Variants in SGTB observed in about 807,000 individuals in gnomAD.
SGTB encodes the protein small glutamine rich tetratricopeptide repeat co-chaperone beta, also known as small glutamine-rich tetratricopeptide repeat-containing protein beta.
A neutral mutation model predicts 43.9 loss-of-function variants in SGTB; 19 were observed. The ratio of observed to expected loss-of-function variants is 0.43; its 90% CI spans 0.30 to 0.63. The LOEUF (loss-of-function observed/expected upper bound fraction) is 0.63, where lower values mean the gene tolerates loss of function less well. Ranked by LOEUF, SGTB falls within the 30% of genes least tolerant of loss-of-function variation. The pLI is 0.12. For missense variants in SGTB, 304 were observed against 358.9 expected (o/e 0.85, Z 1.24); for synonymous variants, 116 against 117.3 (o/e 0.99, Z 0.07).
intron 5 of SGTB, among the ~76,000 whole-genome samples, chr5:65,697,119 T>C (rs554901383): frequency 3.9e-5 from 6 of 152,306 alleles, no homozygotes; most frequent in Non-Finnish European, 8.8e-5. Context: ...GCTACTGAGA[T>C]ATTTATAGCT....
In SGTB at chr5:65,672,227, T is replaced by G; in HGVS notation, c.719+17A>C. ...GAAGGGTTGGGGAAGTGTAATAAGC[T>G]CTTTCTATATACTTACAGCTGTTGA... On this transcript the variant is annotated intron_variant, in intron 9 of 10. Coordinates refer to ENST00000381007, the MANE Select transcript of SGTB (RefSeq NM_019072.3). 6.2e-7 allele frequency: 1 copy of G among 1,613,920 alleles called. No homozygotes were observed. Among genetic ancestry groups the G allele is most frequent in the South Asian group, 1.1e-5 (1 of 91,066 alleles).
At chr5:65,705,267 A>G (rs2150719107) in intron 4 of SGTB, among the ~76,000 whole-genome samples, 1 of 151,488 alleles carries the variant, frequency 6.6e-6, no homozygotes, top group East Asian at 1.9e-4. Flanking sequence ...ATATAGTGGG[A>G]CCCCCCCTCA....
At chr5:65,718,233 T>G (rs1286544893) in intron 2 of SGTB, among the ~76,000 whole-genome samples, 1 of 152,170 alleles carries the variant, frequency 6.6e-6, no homozygotes, top group Non-Finnish European at 1.5e-5. Flanking sequence ...GGCTGTCCTG[T>G]GCATTAGCAG....
chr5:65,710,561 C>A (rs58758328), intron 3 of SGTB, among the ~76,000 whole-genome samples: 1 of 152,080 alleles, frequency 6.6e-6, no homozygotes, highest in Non-Finnish European at 1.5e-5. Flanking sequence ...ATATAACAAC[C>A]AAGTACACTT....
At chr5:65,673,899 G>A (rs747441128) in intron 8 of SGTB, among the ~76,000 whole-genome samples, 5 of 152,036 alleles carry the variant, frequency 3.3e-5, no homozygotes, top group African/African-American at 7.2e-5. Flanking sequence ...CAAGTGCTCC[G>A]CCCATCTTAG....
At chr5:65,722,261 G>A (rs565094855), upstream of SGTB, 2,822 of 724,596 alleles carry the variant, frequency 3.9e-3, 24 homozygotes, top group South Asian at 0.014. Flanking sequence ...AGCCACTGTG[G>A]CCTCTGCGGC....
chr5:65,671,674 A>G (rs1757157353), intron 10 of SGTB, among the ~76,000 whole-genome samples: 1 of 151,906 alleles, frequency 6.6e-6, no homozygotes, highest in Non-Finnish European at 1.5e-5. Context: ...AGCATAATAA[A>G]CATGGTTCTT....
At position 65,720,771 on chromosome 5, in the gene SGTB, G is replaced by T; in HGVS notation, c.37C>A (p.Arg13Ser). ...ATCTGACTTTGTTCCCGTAAGAAAC[G>T]AATAACTGCATAAACCAGGTGCTTG... Reference protein sequence around the residue: ...SIKHLVYAVIRFLREQSQMDT... With the variant: ...SIKHLVYAVISFLREQSQMDT... Residue 13 changes from arginine to serine, a missense_variant, in exon 2 of 11, where the codon CGT (arginine) becomes AGT (serine). By Grantham distance (110) the Arg-to-Ser change is moderately radical. Transcript: ENST00000381007. The T allele has an allele frequency of 6.2e-7, 1 of 1,613,860 alleles. No homozygotes were observed. The highest frequency in any genetic ancestry group is 8.5e-7 in the Non-Finnish European group (1 of 1,179,920).
intron 4 of SGTB, among the ~76,000 whole-genome samples, chr5:65,706,200 C>T (rs1757929907): frequency 1.3e-5 from 2 of 151,930 alleles, no homozygotes; most frequent in Admixed American, 1.3e-4. Flanking sequence ...TTGGATCTTC[C>T]CCAAAAAAGA....
At chr5:65,706,447 G>A (rs1051291573) in intron 4 of SGTB, among the ~76,000 whole-genome samples, 3 of 150,536 alleles carry the variant, frequency 2.0e-5, no homozygotes, top group African/African-American at 4.9e-5. Flanking sequence ...ATATCATAAT[G>A]TATATATACA....
rs1456059316 is a variant in SGTB at position 65,680,708 on chromosome 5, T to C, written c.566A>G (p.Tyr189Cys). Reference sequence around the variant, plus strand: ...TTCTGCTATTTTCAGATTTGACTTATAGGAATCATTTTCAGGGTCAAGATC... The same window carrying C: ...TTCTGCTATTTTCAGATTTGACTTACAGGAATCATTTTCAGGGTCAAGATC... ...ALDLDPENDS[Y>C]KSNLKIAEQK... The change falls in exon 7 of 11, where the codon TAT becomes TGT. Residue 189 changes from tyrosine (Y) to cysteine (C), a missense_variant. Transcript: ENST00000381007. 5 of 1,614,006 alleles carry C rather than the reference T, an allele frequency of 3.1e-6. No individual in the cohort carries two copies. Among genetic ancestry groups the C allele is most frequent in the Admixed American group, 1.7e-5 (1 of 60,014 alleles).
At chr5:65,693,822 A>G (rs911634431) in intron 5 of SGTB, among the ~76,000 whole-genome samples, 3 of 152,222 alleles carry the variant, frequency 2.0e-5, no homozygotes, top group Non-Finnish European at 4.4e-5. Flanking sequence ...AAATGGAAGT[A>G]TAAAAGGAAG....
chr5:65,677,842 CA>C (rs1485058248), intron 8 of SGTB, among the ~76,000 whole-genome samples: 6 of 152,068 alleles, frequency 3.9e-5, no homozygotes, highest in Non-Finnish European at 8.8e-5. Flanking sequence ...GAACATACCT[CA>C]AAATAATAAA....
rs111857089 is a variant in SGTB at position 65,682,785 on chromosome 5, C to T, written c.480-1991G>A. Among the ~76,000 whole-genome samples the T allele has an allele frequency of 4.7e-4, 72 of 152,134 alleles. 2 individuals are homozygous for T. Among genetic ancestry groups the T allele is most frequent in the African/African-American group, 1.5e-3 (63 of 41,534 alleles). Reference sequence around the variant, plus strand: ...TGAAGAGTAGTAGAATATATGAGTACGGAGTTCAAACATATAAATTAGATC... The same window carrying T: ...TGAAGAGTAGTAGAATATATGAGTATGGAGTTCAAACATATAAATTAGATC... On this transcript the variant is annotated intron_variant, in intron 6 of 10. Transcript: ENST00000381007.
upstream of SGTB, chr5:65,722,312 C>T: frequency 2.8e-6 from 4 of 1,420,200 alleles, no homozygotes; most frequent in Non-Finnish European, 3.8e-6. Context: ...GCGCTGCCGC[C>T]CGCCTCGCCG....
rs1481717974 is a variant in SGTB, at chr5:65,669,076, G to A, written c.*1170C>T. The stretch of plus-strand genomic sequence containing the variant: ...TAGACCCATGCAATTAATACCTAAT[G>A]CCCCTTTTCTCCACTAACTAATATG... On this transcript the variant is annotated 3_prime_UTR_variant, in exon 11 of 11. Coordinates refer to ENST00000381007, the MANE Select transcript of SGTB (RefSeq NM_019072.3). 1 of 151,986 alleles carries A rather than the reference G, an allele frequency of 6.6e-6. No individual in the cohort carries two copies. Among genetic ancestry groups the A allele is most frequent in the Non-Finnish European group, 1.5e-5 (1 of 67,996 alleles). The allele number at this position is 151,986 out of a possible 1,614,324, so 9.4% of individuals were successfully genotyped here.
chr5:65,709,235 T>C (rs1392798881), intron 3 of SGTB, among the ~76,000 whole-genome samples: 3 of 152,168 alleles, frequency 2.0e-5, no homozygotes, highest in Non-Finnish European at 2.9e-5. Context: ...ATCTAAGATA[T>C]ACCCTACTAA....
chr5:65,709,126 A>T (rs559082293), intron 3 of SGTB, among the ~76,000 whole-genome samples: 8 of 151,324 alleles, frequency 5.3e-5, no homozygotes, highest in African/African-American at 1.9e-4. Flanking sequence ...CCTGCTTCAT[A>T]AAAAAAAATG....
intron 4 of SGTB, among the ~76,000 whole-genome samples, chr5:65,706,000 C>A: frequency 6.6e-6 from 1 of 151,772 alleles, no homozygotes; most frequent in Non-Finnish European, 1.5e-5. Flanking sequence ...GTTGCCACTG[C>A]AATCCACCCT....
Sources: allele counts gnomAD v4.1 joint callset (sites outside exome capture counted in the v4.1 genomes callset), GRCh38; gene constraint gnomAD v4.1.1; transcripts MANE v1.5; gene names NCBI Gene and HGNC (gene_info 2026-07-23, HGNC 2026-07-21).